Variants in GADL1 observed in about 807,000 individuals in gnomAD.
GADL1 encodes GAD like acidic amino acid decarboxylase 1, also known as acidic amino acid decarboxylase GADL1.
Under a neutral mutation model 69.5 loss-of-function variants are expected in GADL1, and 71 were observed. The ratio of observed to expected loss-of-function variants is 1.02; its 90% CI spans 0.84 to 1.25. The LOEUF is 1.25. GADL1 is among the 50% of genes most tolerant of loss of function. The probability of loss-of-function intolerance (pLI) is 0.00; values close to 1 mark genes in which losing one functional copy is unlikely to be tolerated. For synonymous variants in GADL1, 254 were observed against 214.4 expected (o/e 1.18, Z -1.62); for missense variants, 737 against 631.8 (o/e 1.17, Z -1.79).
intron 8 of GADL1, among the ~76,000 whole-genome samples, chr3:30,842,821 TTAA>T (rs1445252298): frequency 6.0e-5 from 4 of 66,466 alleles, no homozygotes; most frequent in African/African-American, 2.1e-4. Context: ...ATTGGAATGT[TTAA>T]AAAAAAAAAA....
At chr3:30,865,580 G>A (rs970304599) in intron 1 of GADL1, among the ~76,000 whole-genome samples, 1 of 151,998 alleles carries the variant, frequency 6.6e-6, no homozygotes, top group South Asian at 2.1e-4. Context: ...TGATTAAGCA[G>A]GGGAAACCTT....
At position 30,821,663 on chromosome 3, in the gene GADL1, G is replaced by GA. The variant is rs566149947; in HGVS notation, c.1050+12189dup. Among the ~76,000 whole-genome samples, 184 of 151,876 alleles carry GA rather than the reference G, an allele frequency of 1.2e-3. 1 individual carries two copies. Among genetic ancestry groups the GA allele is most frequent in the Non-Finnish European group, 2.2e-3 (148 of 67,908 alleles). On this transcript the variant is annotated intron_variant, in intron 11 of 14. Transcript: ENST00000282538. ...ATTCACAGGTTTAATATAAACCTTAGAAAAAATCCCCAGTGGAAGTTTTTT... is the reference window on the plus strand; with the variant it reads ...ATTCACAGGTTTAATATAAACCTTAGAAAAAAATCCCCAGTGGAAGTTTTTT...
intron 12 of GADL1, among the ~76,000 whole-genome samples, chr3:30,788,452 A>G (rs942091356): frequency 2.6e-5 from 4 of 152,196 alleles, no homozygotes; most frequent in African/African-American, 9.6e-5. Flanking sequence ...CTGAGACTTC[A>G]GTGAGTTGTA....
At chr3:30,755,497 A>T (rs1414273384) in intron 14 of GADL1, among the ~76,000 whole-genome samples, 1 of 152,244 alleles carries the variant, frequency 6.6e-6, no homozygotes, top group Non-Finnish European at 1.5e-5. Context: ...ATAAGTGAAG[A>T]CTTCTCCCCC....
chr3:30,756,631 A>T (rs1357041825), intron 14 of GADL1, among the ~76,000 whole-genome samples: 1 of 152,060 alleles, frequency 6.6e-6, no homozygotes, highest in Non-Finnish European at 1.5e-5. Flanking sequence ...TTGCAAATAC[A>T]TTTGCTCTCG....
At chr3:30,891,981 A>G (rs1466615462) in intron 1 of GADL1, among the ~76,000 whole-genome samples, 1 of 152,214 alleles carries the variant, frequency 6.6e-6, no homozygotes, top group African/African-American at 2.4e-5. Context: ...ACCCACCATG[A>G]AAACTAGAGT....
intron 1 of GADL1, among the ~76,000 whole-genome samples, chr3:30,890,766 A>G (rs1698775312): frequency 6.6e-6 from 1 of 152,234 alleles, no homozygotes; most frequent in African/African-American, 2.4e-5. Flanking sequence ...GAACATCACC[A>G]TGGGCTCTTC....
At chr3:30,871,113 G>C (rs756356027) in intron 1 of GADL1, among the ~76,000 whole-genome samples, 7 of 147,602 alleles carry the variant, frequency 4.7e-5, no homozygotes, top group Non-Finnish European at 8.9e-5. Context: ...TTTGTCCAAG[G>C]GGCAGGGTCT....
chr3:30,823,998 G>A (rs1439310547), intron 11 of GADL1, among the ~76,000 whole-genome samples: 1 of 151,698 alleles, frequency 6.6e-6, no homozygotes, highest in Non-Finnish European at 1.5e-5. Context: ...AAAGGAAGAA[G>A]TCTTAATATG....
chr3:30,863,719 A>C (rs1698355710), intron 1 of GADL1, among the ~76,000 whole-genome samples: 1 of 151,608 alleles, frequency 6.6e-6, no homozygotes, highest in South Asian at 2.1e-4. Context: ...ACAAAAAAAA[A>C]CCCTTCTAAA....
chr3:30,832,717 G>C (rs962592198), intron 11 of GADL1, among the ~76,000 whole-genome samples: 12 of 151,912 alleles, frequency 7.9e-5, no homozygotes, highest in African/African-American at 2.9e-4. Flanking sequence ...ACGTTCTTTG[G>C]TTCACAATCA....
At chr3:30,876,383 G>T (rs1160148698) in intron 1 of GADL1, among the ~76,000 whole-genome samples, 3 of 151,606 alleles carry the variant, frequency 2.0e-5, no homozygotes, top group Non-Finnish European at 4.4e-5. Context: ...TGAAGAAAAG[G>T]CTCTGATTGG....
chr3:30,842,218 T>C (rs1697978065), intron 8 of GADL1, among the ~76,000 whole-genome samples: 1 of 152,194 alleles, frequency 6.6e-6, no homozygotes, highest in Non-Finnish European at 1.5e-5. Flanking sequence ...AATTTTAATA[T>C]ACACTGAAGA....
intron 14 of GADL1, among the ~76,000 whole-genome samples, chr3:30,760,195 A>AG (rs1255119836): frequency 2.6e-5 from 4 of 152,184 alleles, no homozygotes; most frequent in Non-Finnish European, 4.4e-5. Flanking sequence ...GCTTCCCTGT[A>AG]GGACACTTCC....
At chr3:30,780,268 T>C (rs987064783) in intron 13 of GADL1, among the ~76,000 whole-genome samples, 2 of 152,136 alleles carry the variant, frequency 1.3e-5, no homozygotes, top group African/African-American at 4.8e-5. Context: ...CACTCCAGAC[T>C]AGATTTCTAG....
chr3:30,827,500 G>A (rs1393492255), intron 11 of GADL1, among the ~76,000 whole-genome samples: 1 of 151,850 alleles, frequency 6.6e-6, no homozygotes, highest in African/African-American at 2.4e-5. Context: ...AATGGCAATG[G>A]TAATACCAAC....
intron 11 of GADL1, among the ~76,000 whole-genome samples, chr3:30,832,311 T>A (rs548706193): frequency 6.6e-6 from 1 of 151,662 alleles, no homozygotes; most frequent in South Asian, 2.1e-4. Context: ...TGGGTTTTAT[T>A]GTCACTAAGA....
At chr3:30,757,401 C>CAT (rs1696000862) in intron 14 of GADL1, among the ~76,000 whole-genome samples, 1 of 152,056 alleles carries the variant, frequency 6.6e-6, no homozygotes, top group African/African-American at 2.4e-5. Flanking sequence ...CTATAAAAAG[C>CAT]ATAAATGCTT....
At chr3:30,806,688 C>T (rs984438903) in intron 11 of GADL1, among the ~76,000 whole-genome samples, 1 of 152,180 alleles carries the variant, frequency 6.6e-6, no homozygotes, top group African/African-American at 2.4e-5. Context: ...TATTCACCAC[C>T]TTAGAGGTGT....
Sources: allele counts gnomAD v4.1 joint callset (sites outside exome capture counted in the v4.1 genomes callset), GRCh38; gene constraint gnomAD v4.1.1; transcripts MANE v1.5; gene names NCBI Gene and HGNC (gene_info 2026-07-23, HGNC 2026-07-21).